Variants in CDH13 observed in about 807,000 individuals in gnomAD.
CDH13 encodes the protein cadherin 13, also known as cadherin-13.
Under a neutral mutation model 63.8 loss-of-function variants are expected in CDH13, and 24 were observed. That is an observed-to-expected ratio of 0.38 (90% confidence interval 0.27 to 0.53). The LOEUF (loss-of-function observed/expected upper bound fraction) is 0.53. Ranked by LOEUF, CDH13 falls within the 20% of genes least tolerant of loss-of-function variation. The probability of loss-of-function intolerance (pLI) is 0.85; values close to 1 mark genes in which losing one functional copy is unlikely to be tolerated. For synonymous variants in CDH13, 503 were observed against 355.3 expected, an observed-to-expected ratio of 1.42 and a Z score of -4.67; for missense variants, 1,049 against 903.1, an observed-to-expected ratio of 1.16 and a Z score of -2.07.
intron 6 of CDH13, among the ~76,000 whole-genome samples, chr16:83,486,141 T>TGAAAAAAAGAAAA (rs2073883236): frequency 1.3e-5 from 2 of 150,708 alleles, no homozygotes; most frequent in African/African-American, 2.5e-5. Flanking sequence ...AGACTCTGTC[T>TGAAAAAAAGAAAA]AAAAAAATGA....
intron 3 of CDH13, among the ~76,000 whole-genome samples, chr16:83,076,175 C>A (rs2032821817): frequency 6.6e-6 from 1 of 152,140 alleles, no homozygotes; most frequent in Admixed American, 6.6e-5. Context: ...AACAGGATGG[C>A]ATGACCAGGC....
At chr16:83,307,829 G>C (rs2089913723) in intron 5 of CDH13, among the ~76,000 whole-genome samples, 1 of 152,194 alleles carries the variant, frequency 6.6e-6, no homozygotes, top group Non-Finnish European at 1.5e-5. Context: ...TCAGAGCGGG[G>C]GAGTAATTAT....
chr16:83,087,144 C>G (rs995506338), intron 3 of CDH13, among the ~76,000 whole-genome samples: 3 of 152,062 alleles, frequency 2.0e-5, no homozygotes, highest in African/African-American at 7.2e-5. Context: ...ACAATTAATC[C>G]TGATGAAAAT....
chr16:83,579,013 T>C (rs1905294629), intron 7 of CDH13, among the ~76,000 whole-genome samples: 2 of 152,262 alleles, frequency 1.3e-5, no homozygotes, highest in Admixed American at 6.5e-5. Context: ...ATTTTGCACA[T>C]TTCCTCTTAT....
At chr16:82,746,616 G>A (rs2034187473) in intron 1 of CDH13, among the ~76,000 whole-genome samples, 1 of 151,630 alleles carries the variant, frequency 6.6e-6, no homozygotes, top group Non-Finnish European at 1.5e-5. Flanking sequence ...AAAAAACCAA[G>A]AGGCATACTA....
intron 4 of CDH13, among the ~76,000 whole-genome samples, chr16:83,187,542 G>T (rs75100236): frequency 0.023 from 3,425 of 152,134 alleles, 59 homozygotes; most frequent in East Asian, 0.1. Context: ...TTAGGATGTA[G>T]ATTGGCAGGG....
chr16:83,469,726 G>A (rs920242896), intron 6 of CDH13, among the ~76,000 whole-genome samples: 28 of 152,128 alleles, frequency 1.8e-4, no homozygotes, highest in African/African-American at 5.6e-4. Flanking sequence ...CACAAAATAG[G>A]CCCCCATAAA....
chr16:83,468,826 C>T lies in CDH13; in HGVS notation c.782-17651C>T, dbSNP rs9933448. Among the ~76,000 whole-genome samples, 4 of 152,238 alleles carry T rather than the reference C, an allele frequency of 2.6e-5. No individual in the cohort carries two copies. The East Asian group carries it at 5.8e-4, about 22-fold the overall frequency. On this transcript the variant is annotated intron_variant, in intron 6 of 13. Transcript: ENST00000567109. ...TGTGCAGGTTTCTTACATAGGTAAA[C>T]GTGTGCCATGGTGGTTTGCTGAACC...
At chr16:83,697,037 C>A (rs1056431387) in intron 10 of CDH13, among the ~76,000 whole-genome samples, 4 of 152,212 alleles carry the variant, frequency 2.6e-5, no homozygotes, top group Admixed American at 2.6e-4. Context: ...ACTTCTTTCC[C>A]ATTCAGGAAC....
intron 1 of CDH13, among the ~76,000 whole-genome samples, chr16:82,832,430 C>T (rs887554616): frequency 6.6e-6 from 1 of 152,030 alleles, no homozygotes; most frequent in East Asian, 1.9e-4. Flanking sequence ...TCTCTTCTTC[C>T]TCCTCCTCCT....
intron 1 of CDH13, among the ~76,000 whole-genome samples, chr16:82,687,495 TGAA>T (rs1915197518): frequency 6.6e-6 from 1 of 151,530 alleles, no homozygotes; most frequent in African/African-American, 2.4e-5. Context: ...TGGCAGAAGG[TGAA>T]GGAGGAGCAA....
chr16:83,318,559 C>T (rs1597733881), intron 5 of CDH13, among the ~76,000 whole-genome samples: 1 of 152,168 alleles, frequency 6.6e-6, no homozygotes, highest in South Asian at 2.1e-4. Flanking sequence ...CATTCTGTTA[C>T]TCAAAATTGG....
At chr16:83,340,751 CA>C (rs2090704132) in intron 5 of CDH13, among the ~76,000 whole-genome samples, 1 of 152,134 alleles carries the variant, frequency 6.6e-6, no homozygotes, top group South Asian at 2.1e-4. Flanking sequence ...AGACATTGGT[CA>C]GATGTGTAAT....
intron 5 of CDH13, among the ~76,000 whole-genome samples, chr16:83,326,098 C>G (rs1200469247): frequency 6.6e-6 from 1 of 152,062 alleles, no homozygotes. Flanking sequence ...ATAGCAATAC[C>G]AGAACACAGT....
intron 1 of CDH13, among the ~76,000 whole-genome samples, chr16:82,817,212 C>G (rs564471091): frequency 6.6e-6 from 1 of 152,112 alleles, no homozygotes; most frequent in African/African-American, 2.4e-5. Context: ...GACCATGTCT[C>G]TGGACTTGGA....
chr16:82,817,314 C>A (rs750090158), intron 1 of CDH13, among the ~76,000 whole-genome samples: 43 of 152,196 alleles, frequency 2.8e-4, no homozygotes, highest in Non-Finnish European at 4.9e-4. Flanking sequence ...TAATGAGCAG[C>A]TCTTCTTAGC....
chr16:82,656,822 T>G (rs1911349796), intron 1 of CDH13, among the ~76,000 whole-genome samples: 1 of 152,152 alleles, frequency 6.6e-6, no homozygotes, highest in Non-Finnish European at 1.5e-5. Flanking sequence ...TGTCATATGG[T>G]TGGAATAATA....
intron 1 of CDH13, among the ~76,000 whole-genome samples, chr16:82,666,864 AT>A (rs1912646174): frequency 6.6e-6 from 1 of 152,196 alleles, no homozygotes; most frequent in Non-Finnish European, 1.5e-5. Flanking sequence ...GCTATGCCAC[AT>A]CTTGAAGAAT....
At chr16:82,777,634 ACAATTTCTGTGCAG>A (rs1395826590) in intron 1 of CDH13, among the ~76,000 whole-genome samples, 1 of 152,192 alleles carries the variant, frequency 6.6e-6, no homozygotes, top group Non-Finnish European at 1.5e-5. Flanking sequence ...TTATTATTCC[ACAATTTCTGTGCAG>A]CAAGAATATG....
Sources: gnomAD v4.1 joint callset for allele counts (sites outside exome capture counted in the v4.1 genomes callset) on GRCh38, gnomAD v4.1.1 for gene constraint, MANE v1.5 for transcripts, NCBI Gene and HGNC (gene_info 2026-07-23, HGNC 2026-07-21) for gene names.